The following KITLG variants were observed in gnomAD, a reference collection of about 807,000 sequenced individuals.
The protein encoded by KITLG is c-Kit ligand.
In KITLG, 13 loss-of-function variants were observed where a neutral mutation model predicts 34.1. That is an observed-to-expected ratio of 0.38 (90% CI 0.25 to 0.61). The LOEUF is 0.61. KITLG is among the 20% of genes least tolerant of loss of function. The pLI is 0.60. For missense variants in KITLG, 292 were observed against 318.9 expected (o/e 0.92, Z 0.64); for synonymous variants, 110 against 104.0 (o/e 1.06, Z -0.35).
At chr12:88,523,157 T>C (rs1869737243) in intron 3 of KITLG, among the ~76,000 whole-genome samples, 1 of 152,234 alleles carries the variant, frequency 6.6e-6, no homozygotes, top group Non-Finnish European at 1.5e-5. Context: ...TGTACCTTTC[T>C]GTTTGTGCTT....
At chr12:88,572,392 T>C in intron 1 of KITLG, among the ~76,000 whole-genome samples, 1 of 151,692 alleles carries the variant, frequency 6.6e-6, no homozygotes, top group East Asian at 1.9e-4. Context: ...GCAAGCCTAA[T>C]AAATGCCTAA....
At chr12:88,501,596 G>A (rs998113230) in intron 9 of KITLG, among the ~76,000 whole-genome samples, 29 of 151,908 alleles carry the variant, frequency 1.9e-4, no homozygotes, top group Admixed American at 1.1e-3. Context: ...CAAATGTAAG[G>A]GTTTACTTCA....
chr12:88,554,195 T>A (rs995865768), intron 1 of KITLG, among the ~76,000 whole-genome samples: 1 of 152,076 alleles, frequency 6.6e-6, no homozygotes, highest in African/African-American at 2.4e-5. Context: ...GCATGCAGCC[T>A]AAGAATATCA....
intron 1 of KITLG, among the ~76,000 whole-genome samples, chr12:88,567,027 CA>C (rs1434038206): frequency 8.5e-5 from 13 of 152,238 alleles, no homozygotes; most frequent in Non-Finnish European, 1.6e-4. Flanking sequence ...GGGAAAAGTG[CA>C]AAAGGAATTC....
intron 6 of KITLG, among the ~76,000 whole-genome samples, chr12:88,510,877 A>G (rs1191718518): frequency 1.3e-5 from 2 of 152,160 alleles, no homozygotes; most frequent in Non-Finnish European, 2.9e-5. Flanking sequence ...CCTTTGTGCT[A>G]CACCTAAAAA....
At chr12:88,555,166 C>G (rs1251370321) in intron 1 of KITLG, among the ~76,000 whole-genome samples, 1 of 152,100 alleles carries the variant, frequency 6.6e-6, no homozygotes, top group Non-Finnish European at 1.5e-5. Context: ...TTAAAGATTT[C>G]AAGGTATTCA....
At chr12:88,559,270 G>A (rs557506681) in intron 1 of KITLG, among the ~76,000 whole-genome samples, 50 of 152,256 alleles carry the variant, frequency 3.3e-4, no homozygotes, top group African/African-American at 1.2e-3. Context: ...CCAATTAGGC[G>A]TGACTGCAAG....
chr12:88,506,449 C>G, intron 7 of KITLG, 71 bp from the exon 8 acceptor site: 4 of 1,070,050 alleles, frequency 3.7e-6, no homozygotes, highest in Non-Finnish European at 5.8e-6. Context: ...GGTAAGTGGA[C>G]TCCACTTTTA....
chr12:88,543,379 G>A (rs1013871181), intron 2 of KITLG, among the ~76,000 whole-genome samples: 2 of 152,034 alleles, frequency 1.3e-5, no homozygotes, highest in East Asian at 3.9e-4. Flanking sequence ...TTCTGTTCTT[G>A]TGATATTTTG....
chr12:88,577,362 T>C (rs554535743), intron 1 of KITLG, among the ~76,000 whole-genome samples: 45 of 152,256 alleles, frequency 3.0e-4, no homozygotes, highest in South Asian at 6.2e-4. Flanking sequence ...TTTCTGAAAT[T>C]GACAGGAGTT....
intron 9 of KITLG, among the ~76,000 whole-genome samples, chr12:88,504,934 C>T (rs1654950514): frequency 7.4e-6 from 1 of 135,308 alleles, no homozygotes; most frequent in Admixed American, 9.0e-5. Context: ...AACACTTGGA[C>T]ACAGGGTAGG....
chr12:88,524,978 T>A (rs1869811500), intron 3 of KITLG, among the ~76,000 whole-genome samples: 1 of 152,208 alleles, frequency 6.6e-6, no homozygotes, highest in South Asian at 2.1e-4. Flanking sequence ...CCTGTAGCCA[T>A]AGTTGGTTGG....
intron 4 of KITLG, among the ~76,000 whole-genome samples, chr12:88,517,593 T>A (rs1235114962): frequency 6.6e-6 from 1 of 152,156 alleles, no homozygotes; most frequent in Admixed American, 6.6e-5. Context: ...CACATGTTAT[T>A]TCCTTTGTGA....
intron 1 of KITLG, among the ~76,000 whole-genome samples, chr12:88,567,242 T>C (rs540261453): frequency 1.3e-5 from 2 of 152,316 alleles, no homozygotes; most frequent in African/African-American, 4.8e-5. Context: ...GAACCCAAAA[T>C]TACTTCCCAC....
At chr12:88,535,163 A>G (rs922833718) in intron 2 of KITLG, among the ~76,000 whole-genome samples, 1 of 152,194 alleles carries the variant, frequency 6.6e-6, no homozygotes, top group African/African-American at 2.4e-5. Context: ...ATGGTGACCA[A>G]TTCCATTTCA....
At chr12:88,569,634 G>A (rs191145900) in intron 1 of KITLG, among the ~76,000 whole-genome samples, 6 of 152,140 alleles carry the variant, frequency 3.9e-5, no homozygotes, top group Admixed American at 2.0e-4. Context: ...CATTCTGTTT[G>A]GCAGATGGGG....
At chr12:88,560,797 G>A (rs1871270395) in intron 1 of KITLG, among the ~76,000 whole-genome samples, 3 of 151,588 alleles carry the variant, frequency 2.0e-5, no homozygotes, top group Admixed American at 6.6e-5. Flanking sequence ...GTGAAACCCC[G>A]TCTCTACTAA....
At chr12:88,546,335 G>A (rs1461312416) in intron 1 of KITLG, among the ~76,000 whole-genome samples, 1 of 152,184 alleles carries the variant, frequency 6.6e-6, no homozygotes, top group Non-Finnish European at 1.5e-5. Flanking sequence ...GTTAAAGTGA[G>A]AGAGATGTAT....
At chr12:88,560,297 A>G (rs990018704) in intron 1 of KITLG, among the ~76,000 whole-genome samples, 2 of 152,236 alleles carry the variant, frequency 1.3e-5, no homozygotes, top group Admixed American at 1.3e-4. Context: ...TTGATGCTAC[A>G]GTTATAATTT....
Sources: gnomAD v4.1 joint callset for allele counts (sites outside exome capture counted in the v4.1 genomes callset) on GRCh38, gnomAD v4.1.1 for gene constraint, MANE v1.5 for transcripts, NCBI Gene and HGNC (gene_info 2026-07-23, HGNC 2026-07-21) for gene names.